The following SPMIP6 variants were observed in gnomAD, a reference collection of about 807,000 sequenced individuals.
The protein encoded by SPMIP6 is ciliated bronchial epithelial protein 1.
At chr9:34,390,709 T>G in the SPMIP6 span, among the ~76,000 whole-genome samples, 1 of 152,220 alleles carries the variant, frequency 6.6e-6, no homozygotes, top group East Asian at 1.9e-4. Context: ...TAATTTTTTT[T>G]TGTGGGCTCA....
At chr9:34,381,107 A>T in the SPMIP6 span, 1 of 1,605,550 alleles carries the variant, frequency 6.2e-7, no homozygotes, top group Non-Finnish European at 8.5e-7. This position sits in a 1 kb window ranked among gnomAD's most constrained non-coding sequence, Gnocchi z 4.4. Flanking sequence ...CAGTGAGTTC[A>T]GCATGTTCAC....
At chr9:34,385,749 A>G in the SPMIP6 span, 5 of 1,613,504 alleles carry the variant, frequency 3.1e-6, no homozygotes, top group Non-Finnish European at 3.4e-6. Context: ...GGGCTTCGGG[A>G]TCCACATGTC....
chr9:34,383,557 C>G, the SPMIP6 span, among the ~76,000 whole-genome samples: 1 of 152,308 alleles, frequency 6.6e-6, no homozygotes, highest in East Asian at 1.9e-4. Flanking sequence ...TCTACTTCCT[C>G]TTCCAGTGCC....
the SPMIP6 span, chr9:34,382,617 A>G: frequency 3.0e-6 from 2 of 665,784 alleles, no homozygotes; most frequent in East Asian, 2.6e-5. Flanking sequence ...CTAGTTTCAC[A>G]GATGCGGAAG....
chr9:34,385,699 TA>T, the SPMIP6 span: 1 of 1,613,922 alleles, frequency 6.2e-7, no homozygotes, highest in Non-Finnish European at 8.5e-7. Flanking sequence ...GGACCCCCTA[TA>T]AGTGTAGTCC....
chr9:34,383,384 A>G, the SPMIP6 span, among the ~76,000 whole-genome samples: 1 of 152,198 alleles, frequency 6.6e-6, no homozygotes, highest in African/African-American at 2.4e-5. Flanking sequence ...TTAGTTGGGC[A>G]TGGTTGGTGT....
chr9:34,396,596 C>T, the SPMIP6 span, among the ~76,000 whole-genome samples: 1 of 152,158 alleles, frequency 6.6e-6, no homozygotes, highest in African/African-American at 2.4e-5. Context: ...TCCTCTCTCA[C>T]CCAAGGACTA....
At chr9:34,379,966 C>T in the SPMIP6 span, among the ~76,000 whole-genome samples, 1 of 152,168 alleles carries the variant, frequency 6.6e-6, no homozygotes, top group East Asian at 1.9e-4. This position sits in a 1 kb window ranked among gnomAD's most constrained non-coding sequence, Gnocchi z 4.2. Flanking sequence ...GAGCGCTGGA[C>T]CCTGGGGAAG....
At chr9:34,380,937 G>T in the SPMIP6 span, 188 of 1,598,744 alleles carry the variant, frequency 1.2e-4, no homozygotes, top group Non-Finnish European at 1.6e-4. Context: ...CGCAGGCGGC[G>T]GTCGGTGCAG....
At chr9:34,391,110 A>C in the SPMIP6 span, among the ~76,000 whole-genome samples, 1 of 152,196 alleles carries the variant, frequency 6.6e-6, no homozygotes, top group East Asian at 1.9e-4. Flanking sequence ...TACTGGTTTA[A>C]TTTTTTAAAT....
chr9:34,380,778 G>C, the SPMIP6 span: 1 of 1,546,664 alleles, frequency 6.5e-7, no homozygotes, highest in East Asian at 2.4e-5. Flanking sequence ...AGCGTGCAGC[G>C]CGGGGCTAGA....
chr9:34,390,267 T>C, the SPMIP6 span, among the ~76,000 whole-genome samples: 2 of 152,190 alleles, frequency 1.3e-5, no homozygotes, highest in Non-Finnish European at 2.9e-5. Flanking sequence ...GTTGGCTGTA[T>C]ATTTTTTGTA....
the SPMIP6 span, chr9:34,380,906 G>C: frequency 1.3e-5 from 20 of 1,578,064 alleles, no homozygotes; most frequent in Non-Finnish European, 1.6e-5. Flanking sequence ...CCTTACAGTC[G>C]GTTGCTCCCG....
the SPMIP6 span, chr9:34,381,510 C>G: frequency 1.9e-6 from 3 of 1,607,904 alleles, no homozygotes; most frequent in Non-Finnish European, 2.5e-6. The surrounding 1 kb of genome is among the most constrained non-coding windows in gnomAD (Gnocchi z 4.4). Flanking sequence ...TAGGGGTCCT[C>G]CCAGAACACC....
the SPMIP6 span, chr9:34,382,841 G>A: frequency 6.2e-7 from 1 of 1,613,850 alleles, no homozygotes; most frequent in African/African-American, 1.3e-5. Flanking sequence ...ACCAGTCACT[G>A]CCCAGGTAGT....
At chr9:34,384,674 A>G in the SPMIP6 span, among the ~76,000 whole-genome samples, 2 of 152,210 alleles carry the variant, frequency 1.3e-5, no homozygotes, top group African/African-American at 4.8e-5. Flanking sequence ...AAGACTTATG[A>G]AGCCTGGTGC....
chr9:34,385,613 G>T, the SPMIP6 span: 2 of 1,611,142 alleles, frequency 1.2e-6, no homozygotes, highest in Non-Finnish European at 8.5e-7. Flanking sequence ...TCATTTTAGG[G>T]GTCAGCAAAG....
chr9:34,393,547 C>G, the SPMIP6 span, among the ~76,000 whole-genome samples: 1 of 152,092 alleles, frequency 6.6e-6, no homozygotes, highest in African/African-American at 2.4e-5. Flanking sequence ...AGCTGGTGAA[C>G]TGCAGTTTCA....
chr9:34,385,819 A>C, the SPMIP6 span: 4 of 1,596,782 alleles, frequency 2.5e-6, no homozygotes, highest in Non-Finnish European at 3.4e-6. Context: ...TTAGGGGCAC[A>C]GAGACCCCAG....
Sources: gnomAD v4.1 joint callset for allele counts (sites outside exome capture counted in the v4.1 genomes callset) on GRCh38, gnomAD v4.1.1 for gene constraint, Gnocchi (gnomAD v3.1) non-coding constraint, MANE v1.5 for transcripts, NCBI Gene and HGNC (gene_info 2026-07-23, HGNC 2026-07-21) for gene names.